HMBOX1: variants seen among roughly 807,000 people sequenced by gnomAD.
The protein encoded by HMBOX1 is homeobox containing 1, also known as homeobox-containing protein 1.
Under a neutral mutation model 54.5 loss-of-function variants are expected in HMBOX1, and 14 were observed. The observed-to-expected ratio is 0.26, with a 90% confidence interval of 0.17 to 0.40. The LOEUF (loss-of-function observed/expected upper bound fraction) is 0.40, where lower values mean the gene tolerates loss of function less well. HMBOX1 is among the 10% of genes least tolerant of loss of function. The pLI, the probability that HMBOX1 is intolerant of heterozygous loss-of-function variation, is 1.00. For missense variants in HMBOX1, 332 were observed against 514.4 expected (o/e 0.65, Z 3.43); for synonymous variants, 160 against 181.0 (o/e 0.88, Z 0.93).
At chr8:29,018,073 G>A (rs1800606277) in intron 5 of HMBOX1, among the ~76,000 whole-genome samples, 1 of 152,074 alleles carries the variant, frequency 6.6e-6, no homozygotes, top group Non-Finnish European at 1.5e-5. Flanking sequence ...AAGAAGAGTG[G>A]GGTAGCCAGG....
chr8:29,039,488 G>T (rs1804497095), intron 6 of HMBOX1, among the ~76,000 whole-genome samples: 1 of 152,020 alleles, frequency 6.6e-6, no homozygotes, highest in Admixed American at 6.6e-5. Flanking sequence ...GATAGTCTGG[G>T]TTTTACCAAA....
intron 1 of HMBOX1, among the ~76,000 whole-genome samples, chr8:28,932,830 G>A (rs1199031200): frequency 1.3e-5 from 2 of 152,210 alleles, no homozygotes; most frequent in Non-Finnish European, 2.9e-5. Context: ...TTAACTACAT[G>A]TCTAACTGTT....
intron 2 of HMBOX1, among the ~76,000 whole-genome samples, chr8:28,965,433 A>G (rs1251257065): frequency 6.6e-6 from 1 of 152,230 alleles, no homozygotes; most frequent in African/African-American, 2.4e-5. Flanking sequence ...ACATAGACAG[A>G]CTTCACAGGG....
chr8:28,935,783 C>G (rs1320304795), intron 1 of HMBOX1, among the ~76,000 whole-genome samples: 1 of 152,014 alleles, frequency 6.6e-6, no homozygotes, highest in Non-Finnish European at 1.5e-5. Context: ...TAATTCGCGG[C>G]TTTATTTTGC....
intron 1 of HMBOX1, among the ~76,000 whole-genome samples, chr8:28,907,199 T>C (rs879391803): frequency 3.3e-5 from 5 of 152,220 alleles, no homozygotes; most frequent in Non-Finnish European, 7.3e-5. Flanking sequence ...TTTTGCATTG[T>C]TGGTATTTAA....
At chr8:28,902,306 G>A (rs1813381758) in intron 1 of HMBOX1, among the ~76,000 whole-genome samples, 1 of 152,048 alleles carries the variant, frequency 6.6e-6, no homozygotes, top group Non-Finnish European at 1.5e-5. Flanking sequence ...AGTACTGAGG[G>A]TACTGGATCA....
In HMBOX1 at chr8:29,052,564, CCAAA is replaced by C. The variant is rs909005924; in HGVS notation, c.*1412_*1415del. On this transcript the variant is annotated 3_prime_UTR_variant, in exon 10 of 10. Coordinates refer to ENST00000287701, the MANE Select transcript of HMBOX1 (RefSeq NM_001135726.3). Reference sequence around the variant, plus strand: ...TTTTTCATTTTGAGAACTCAAAATACCAAACAGTGAACTTGCATTCTAAAGTCAC... The same window carrying C: ...TTTTTCATTTTGAGAACTCAAAATACCAGTGAACTTGCATTCTAAAGTCAC... 1 of 151,552 alleles carries C rather than the reference CCAAA, an allele frequency of 6.6e-6. No individual in the cohort carries two copies. Among genetic ancestry groups the C allele is most frequent in the Non-Finnish European group, 1.5e-5 (1 of 67,958 alleles). 9.4% of individuals were successfully genotyped at this position (151,552 alleles called of 1,614,324 possible). A position where few individuals can be genotyped will look rare whatever the true frequency, so the allele number is the denominator to read the frequency against.
chr8:29,036,518 T>C lies in HMBOX1; in HGVS notation c.852-8843T>C, dbSNP rs142577609. 7.9e-5 allele frequency among the ~76,000 whole-genome samples: 12 copies of C among 152,306 alleles called. No individual in the cohort carries two copies. In the East Asian group the frequency reaches 2.3e-3, roughly 29 times the overall value. On this transcript the variant is annotated intron_variant, in intron 6 of 9. Transcript: ENST00000287701. ...AAAAGGAAGGTCAGTGTTATGGTTG[T>C]GTCTCCAGAGCAATTAGATTTCCTT...
At chr8:29,032,738 A>G (rs1221774676) in intron 6 of HMBOX1, among the ~76,000 whole-genome samples, 1 of 152,150 alleles carries the variant, frequency 6.6e-6, no homozygotes, top group Admixed American at 6.5e-5. Context: ...GTAAAGTCTG[A>G]TATTACAGAG....
At chr8:28,941,279 A>G (rs1821370713) in intron 1 of HMBOX1, among the ~76,000 whole-genome samples, 1 of 152,224 alleles carries the variant, frequency 6.6e-6, no homozygotes, top group Non-Finnish European at 1.5e-5. Context: ...TCAGTTAGAT[A>G]AATTGAATTG....
rs762588928 is a variant in HMBOX1 at position 29,049,152 on chromosome 8, C to G, written c.1125+104C>G. 3 of 1,452,876 alleles carry G rather than the reference C, an allele frequency of 2.1e-6. No individual in the cohort carries two copies. In the East Asian group the frequency reaches 6.9e-5, roughly 33 times the overall value. The allele number at this position is 1,452,876 out of a possible 1,614,324, so 90.0% of individuals were successfully genotyped here. A position where few individuals can be genotyped will look rare whatever the true frequency, so the allele number is the denominator to read the frequency against. Reference sequence around the variant, plus strand: ...GGCTGATGGGGTGGGGGAGGGGAAACAGTCACTGTCCCTCCACTCTGCTCC... The same window carrying G: ...GGCTGATGGGGTGGGGGAGGGGAAAGAGTCACTGTCCCTCCACTCTGCTCC... On this transcript the variant is annotated intron_variant, in intron 9 of 9. Coordinates refer to ENST00000287701, the MANE Select transcript of HMBOX1 (RefSeq NM_001135726.3).
intron 5 of HMBOX1, among the ~76,000 whole-genome samples, chr8:29,010,586 C>T (rs976790619): frequency 6.6e-6 from 1 of 151,492 alleles, no homozygotes; most frequent in Non-Finnish European, 1.5e-5. Context: ...TTATTATTAA[C>T]ATTTTACATT....
At chr8:29,023,811 A>T (rs4732662) in intron 6 of HMBOX1, among the ~76,000 whole-genome samples, 1 of 152,118 alleles carries the variant, frequency 6.6e-6, no homozygotes, top group Non-Finnish European at 1.5e-5. Context: ...AGCATTGATT[A>T]TTAAATCTGG....
chr8:28,923,581 G>T (rs533518829), intron 1 of HMBOX1, among the ~76,000 whole-genome samples: 3 of 152,172 alleles, frequency 2.0e-5, no homozygotes, highest in East Asian at 1.9e-4. Context: ...CATTTACATT[G>T]TATTAGATAG....
intron 4 of HMBOX1, among the ~76,000 whole-genome samples, chr8:28,983,090 C>G (rs1294857307): frequency 6.6e-6 from 1 of 152,142 alleles, no homozygotes; most frequent in Non-Finnish European, 1.5e-5. Context: ...CCACGTGGAC[C>G]TTTCTTTTGC....
chr8:29,029,500 A>T (rs1454784287), intron 6 of HMBOX1, among the ~76,000 whole-genome samples: 4 of 152,224 alleles, frequency 2.6e-5, no homozygotes, highest in Non-Finnish European at 5.9e-5. Flanking sequence ...GATTCCATTT[A>T]AGCAGTCCAG....
At chr8:28,953,248 C>T (rs1310641221) in intron 1 of HMBOX1, among the ~76,000 whole-genome samples, 1 of 152,046 alleles carries the variant, frequency 6.6e-6, no homozygotes, top group Non-Finnish European at 1.5e-5. Flanking sequence ...ATGTGTTTTC[C>T]TTGTGTCACC....
At chr8:28,999,166 A>G (rs1377456759) in intron 4 of HMBOX1, among the ~76,000 whole-genome samples, 1 of 152,138 alleles carries the variant, frequency 6.6e-6, no homozygotes. Context: ...CTTACAGGGC[A>G]CATCTGCTGA....
intron 1 of HMBOX1, among the ~76,000 whole-genome samples, chr8:28,913,179 G>A (rs1056368874): frequency 7.2e-5 from 11 of 152,090 alleles, no homozygotes; most frequent in Admixed American, 6.5e-4. Context: ...CTTTCCCCAC[G>A]GGATAGCAAG....
Sources: allele counts gnomAD v4.1 joint callset (sites outside exome capture counted in the v4.1 genomes callset), GRCh38; gene constraint gnomAD v4.1.1; transcripts MANE v1.5; gene names NCBI Gene and HGNC (gene_info 2026-07-23, HGNC 2026-07-21).